The following CPSF3 variants were observed in gnomAD, a reference collection of about 807,000 sequenced individuals.
CPSF3 encodes the protein cleavage and polyadenylation specific factor 3, also known as cleavage and polyadenylation specificity factor subunit 3.
In CPSF3, 57 loss-of-function variants were observed where a neutral mutation model predicts 84.1. The observed-to-expected ratio is 0.68, with a 90% CI of 0.55 to 0.85. CPSF3 has a LOEUF of 0.85. Ranked by LOEUF, CPSF3 falls within the 40% of genes least tolerant of loss-of-function variation. The pLI is 0.00. For missense variants in CPSF3, 522 were observed against 838.8 expected (o/e 0.62, Z 4.66); for synonymous variants, 275 against 278.1 (o/e 0.99, Z 0.11).
intron 16 of CPSF3, among the ~76,000 whole-genome samples, chr2:9,469,978 C>G (rs573586766): frequency 6.6e-6 from 1 of 152,308 alleles, no homozygotes; most frequent in Non-Finnish European, 1.5e-5. Context: ...CTTTGGGAAG[C>G]CAAGGCAGGT....
intron 14 of CPSF3, among the ~76,000 whole-genome samples, chr2:9,459,322 G>T (rs1038846626): frequency 7.2e-5 from 11 of 152,188 alleles, no homozygotes; most frequent in Non-Finnish European, 7.3e-5. Flanking sequence ...TCGAAAGGAA[G>T]TGCTCAGTAC....
intron 14 of CPSF3, 42 bp from the exon 15 acceptor site, chr2:9,459,489 C>A: frequency 7.4e-7 from 1 of 1,348,502 alleles, no homozygotes; most frequent in Non-Finnish European, 1.1e-6. Flanking sequence ...TGGTTGGTCA[C>A]CCTAGGTAGG....
At chr2:9,455,369 C>T (rs938251444) in intron 12 of CPSF3, among the ~76,000 whole-genome samples, 2 of 151,994 alleles carry the variant, frequency 1.3e-5, no homozygotes, top group African/African-American at 2.4e-5. Flanking sequence ...CTCCTGATCT[C>T]GTGATCCACC....
At chr2:9,433,420 A>G (rs1680667922) in intron 5 of CPSF3, among the ~76,000 whole-genome samples, 1 of 152,260 alleles carries the variant, frequency 6.6e-6, no homozygotes, top group South Asian at 2.1e-4. Flanking sequence ...ATATCACTAA[A>G]TCACTTATTC....
At chr2:9,446,573 T>A (rs1295231663) in intron 10 of CPSF3, among the ~76,000 whole-genome samples, 2 of 122,250 alleles carry the variant, frequency 1.6e-5, no homozygotes, top group African/African-American at 6.4e-5. Context: ...GGAGCGAGAC[T>A]CGGTCTCAAA....
At chr2:9,444,912 C>G (rs1472338755) in intron 10 of CPSF3, among the ~76,000 whole-genome samples, 2 of 152,026 alleles carry the variant, frequency 1.3e-5, no homozygotes, top group African/African-American at 4.8e-5. Flanking sequence ...GTGATCTGCC[C>G]GCCTCGGCCT....
chr2:9,463,506 A>C (rs1301183559), intron 15 of CPSF3, among the ~76,000 whole-genome samples: 1 of 152,228 alleles, frequency 6.6e-6, no homozygotes, highest in Non-Finnish European at 1.5e-5. Context: ...ATGAACTTTA[A>C]GATAATGATC....
At position 9,443,000 on chromosome 2, in the gene CPSF3, A is replaced by G. The variant is rs182230852; in HGVS notation, c.1096-515A>G. The stretch of plus-strand genomic sequence containing the variant: ...CAACATGGAGAAATCCCATCTCTAC[A>G]AAAAATACAAAAATTAGCCAGGTGT... On this transcript the variant is annotated intron_variant, in intron 9 of 17. Coordinates refer to ENST00000238112, the MANE Select transcript of CPSF3 (RefSeq NM_016207.4). 3.3e-5 allele frequency among the ~76,000 whole-genome samples: 5 copies of G among 152,196 alleles called. No individual in the cohort carries two copies. In the East Asian group the frequency reaches 9.7e-4, roughly 29 times the overall value.
At chr2:9,440,464 T>C (rs1311422889) in intron 7 of CPSF3, 27 bp from the exon 8 acceptor site, 1 of 1,593,556 alleles carries the variant, frequency 6.3e-7, no homozygotes, top group Admixed American at 1.7e-5. Context: ...AACAAAGTGA[T>C]GTTTGTTTCT....
At position 9,459,555 on chromosome 2, in the gene CPSF3, A is replaced by T. The variant is rs1384132598; in HGVS notation, c.1723A>T (p.Met575Leu). The T allele has an allele frequency of 6.3e-7, 1 of 1,590,418 alleles. No individual in the cohort carries two copies. The highest frequency in any genetic ancestry group is 1.4e-5 in the African/African-American group (1 of 73,462). The change falls in exon 15 of 18, where the codon ATG (methionine) becomes TTG (leucine). Residue 575 changes from methionine (M) to leucine (L), a missense_variant. This residue lies in a region of CPSF3 where 193 missense variants were observed against 231.6 expected (regional missense o/e 0.83). Coordinates refer to ENST00000238112, the MANE Select transcript of CPSF3 (RefSeq NM_016207.4). ...LEWLANPSNDMYADTVTTVIL... is the reference protein window; with the variant it reads ...LEWLANPSNDLYADTVTTVIL... ...GTGGCTGGCAAACCCTTCTAATGATATGTATGCAGATACAGTAACAACTGT... is the reference window on the plus strand; with the variant it reads ...GTGGCTGGCAAACCCTTCTAATGATTTGTATGCAGATACAGTAACAACTGT...
At chr2:9,447,385 A>G (rs753847941) in intron 10 of CPSF3, among the ~76,000 whole-genome samples, 3 of 152,118 alleles carry the variant, frequency 2.0e-5, no homozygotes, top group African/African-American at 4.8e-5. Context: ...AGGCTGAGGC[A>G]GGAGGATTGC....
At chr2:9,449,850 T>G (rs575724978) in intron 11 of CPSF3, among the ~76,000 whole-genome samples, 1 of 152,362 alleles carries the variant, frequency 6.6e-6, no homozygotes, top group South Asian at 2.1e-4. Context: ...AGAGGGATGC[T>G]GTCAGAAGTC....
At chr2:9,455,821 T>C (rs1681508458) in intron 13 of CPSF3, 64 bp downstream of exon 13, 6 of 1,143,402 alleles carry the variant, frequency 5.2e-6, no homozygotes, top group Middle Eastern at 4.0e-4. Flanking sequence ...ATTTTCTATC[T>C]AGAAAAGAAT....
At chr2:9,466,276 ACACACGTG>A (rs1681933291) in intron 15 of CPSF3, among the ~76,000 whole-genome samples, 4 of 138,784 alleles carry the variant, frequency 2.9e-5, no homozygotes, top group South Asian at 2.2e-4. Flanking sequence ...AGACGCACGC[ACACACGTG>A]CGCACACAGA....
At position 9,459,638 on chromosome 2, in the gene CPSF3, CTTTTTTTTTTTT is replaced by C. The variant is rs543727439; in HGVS notation, c.1786+37_1786+48del. The C allele has an allele frequency of 2.0e-4, 61 of 310,482 alleles. No homozygotes were observed. Among genetic ancestry groups the C allele is most frequent in the African/African-American group, 9.9e-4 (23 of 23,196 alleles). 19.2% of individuals were successfully genotyped at this position (310,482 alleles called of 1,614,324 possible). On this transcript the variant is annotated intron_variant, in intron 15 of 17. Transcript: ENST00000238112. ...GAAAAGGTAAGAGTTCATTTTTATC[CTTTTTTTTTTTT>C]TTTTTTTTTTTTTTTTGGAGACGGA...
At chr2:9,445,371 C>A (rs189273132) in intron 10 of CPSF3, among the ~76,000 whole-genome samples, 2 of 152,244 alleles carry the variant, frequency 1.3e-5, no homozygotes, top group South Asian at 4.2e-4. Flanking sequence ...GGTGGACACT[C>A]GGGTTGTGTC....
chr2:9,466,380 T>TCGCACACACGCGCACACACACGCACG (rs1681972957), intron 15 of CPSF3, among the ~76,000 whole-genome samples: 1 of 130,184 alleles, frequency 7.7e-6, no homozygotes, highest in African/African-American at 3.1e-5. Flanking sequence ...ACCCACGCAC[T>TCGCACACACGCGCACACACACGCACG]CGCACACACG....
chr2:9,454,631 A>G (rs1339056685), intron 12 of CPSF3, among the ~76,000 whole-genome samples: 6 of 131,756 alleles, frequency 4.6e-5, no homozygotes, highest in African/African-American at 1.8e-4. Context: ...TGCAAGCTCC[A>G]CCTCCCGGGT....
chr2:9,453,579 T>G (rs956479546), intron 12 of CPSF3, among the ~76,000 whole-genome samples: 1 of 152,190 alleles, frequency 6.6e-6, no homozygotes, highest in Non-Finnish European at 1.5e-5. Flanking sequence ...GTGTATACAT[T>G]GAAGCTCATT....
Sources: allele counts gnomAD v4.1 joint callset (sites outside exome capture counted in the v4.1 genomes callset), GRCh38; gene constraint gnomAD v4.1.1; regional missense constraint gnomAD v4.1.1; transcripts MANE v1.5; gene names NCBI Gene and HGNC (gene_info 2026-07-23, HGNC 2026-07-21).